Variants in FNDC3B observed in about 807,000 individuals in gnomAD.
FNDC3B encodes the protein fibronectin type III domain-containing protein 3B.
Under a neutral mutation model 151.5 loss-of-function variants are expected in FNDC3B, and 12 were observed. The ratio of observed to expected loss-of-function variants is 0.08; its 90% CI spans 0.05 to 0.13. The LOEUF is 0.13. FNDC3B is among the 10% of genes least tolerant of loss of function. The pLI is 1.00. For synonymous variants in FNDC3B, 528 were observed against 549.0 expected (o/e 0.96, Z 0.54); for missense variants, 1,214 against 1,505.3 (o/e 0.81, Z 3.20).
chr3:172,393,977 G>A (rs941962763), intron 25 of FNDC3B, among the ~76,000 whole-genome samples: 2 of 151,214 alleles, frequency 1.3e-5, no homozygotes, highest in African/African-American at 4.9e-5. Context: ...GTGTGGTGAC[G>A]GGTGCCTGTA....
intron 3 of FNDC3B, among the ~76,000 whole-genome samples, chr3:172,219,911 AG>A (rs1726182680): frequency 6.6e-6 from 1 of 152,224 alleles, no homozygotes; most frequent in African/African-American, 2.4e-5. Context: ...ACACATGTAC[AG>A]GCTGCTGTGA....
intron 1 of FNDC3B, among the ~76,000 whole-genome samples, chr3:172,089,335 A>G (rs1436268931): frequency 6.6e-6 from 1 of 152,198 alleles, no homozygotes; most frequent in Non-Finnish European, 1.5e-5. Context: ...ATTTTACCAT[A>G]GGATTTTCTT....
chr3:172,143,736 T>G (rs1363113374), intron 3 of FNDC3B, among the ~76,000 whole-genome samples: 1 of 151,746 alleles, frequency 6.6e-6, no homozygotes, highest in Non-Finnish European at 1.5e-5. Flanking sequence ...TGGTGAAACC[T>G]TGTCTCAACT....
chr3:172,352,560 T>C lies in FNDC3B; in HGVS notation c.2515-243T>C, dbSNP rs2108324878. 6.6e-6 allele frequency among the ~76,000 whole-genome samples: 1 copy of C among 152,340 alleles called. No homozygotes were observed. On this transcript the variant is annotated intron_variant, in intron 21 of 25. Coordinates refer to ENST00000415807, the MANE Select transcript of FNDC3B (RefSeq NM_022763.4). This position sits in a 1 kb window ranked among gnomAD's most constrained non-coding sequence, Gnocchi z 4.2. ...AAATAGGTCATGCAAATATAAAATA[T>C]TATTTTTAAATTATTTGTCATAAGA...
intron 4 of FNDC3B, among the ~76,000 whole-genome samples, chr3:172,233,576 A>G (rs4605578): frequency 0.26 from 38,797 of 151,960 alleles, 5,059 homozygotes; most frequent in East Asian, 0.44. Context: ...GCTGTGCAAT[A>G]CTTTCCCCCC....
At chr3:172,123,910 C>A (rs1296688659) in intron 2 of FNDC3B, among the ~76,000 whole-genome samples, 2 of 152,092 alleles carry the variant, frequency 1.3e-5, no homozygotes, top group African/African-American at 4.8e-5. Flanking sequence ...TAATATCTGT[C>A]TGTTTTCAGG....
At chr3:172,244,892 C>T (rs1039097410) in intron 4 of FNDC3B, among the ~76,000 whole-genome samples, 26 of 152,236 alleles carry the variant, frequency 1.7e-4, no homozygotes, top group African/African-American at 5.3e-4. Flanking sequence ...TCCCAAAGTA[C>T]TGGGATTACA....
intron 1 of FNDC3B, among the ~76,000 whole-genome samples, chr3:172,065,072 G>A (rs183617099): frequency 6.6e-5 from 10 of 152,176 alleles, no homozygotes; most frequent in African/African-American, 1.2e-4. Flanking sequence ...GGTGGCTCAC[G>A]CCTGTAATCC....
At chr3:172,211,994 G>A (rs114832005) in intron 3 of FNDC3B, among the ~76,000 whole-genome samples, 2 of 152,030 alleles carry the variant, frequency 1.3e-5, no homozygotes, top group Admixed American at 6.6e-5. Context: ...CATATTAAAC[G>A]ATCACCAGGG....
intron 21 of FNDC3B, among the ~76,000 whole-genome samples, chr3:172,349,531 T>C (rs910781426): frequency 2.0e-5 from 3 of 152,190 alleles, no homozygotes; most frequent in African/African-American, 7.2e-5. Flanking sequence ...ATGTTTTCCA[T>C]AGAGCCAAGC....
chr3:172,108,134 C>T (rs1719753135), intron 1 of FNDC3B, among the ~76,000 whole-genome samples: 1 of 151,552 alleles, frequency 6.6e-6, no homozygotes, highest in East Asian at 1.9e-4. Flanking sequence ...CGCCACTGCA[C>T]TCCATCCTGG....
At chr3:172,053,507 C>T (rs1276131354) in intron 1 of FNDC3B, among the ~76,000 whole-genome samples, 1 of 152,200 alleles carries the variant, frequency 6.6e-6, no homozygotes, top group Non-Finnish European at 1.5e-5. Flanking sequence ...CACAGTGGCT[C>T]ACGCCTGTAA....
chr3:172,109,546 C>T (rs62283817), intron 1 of FNDC3B, among the ~76,000 whole-genome samples: 1 of 152,226 alleles, frequency 6.6e-6, no homozygotes, highest in Non-Finnish European at 1.5e-5. Context: ...CTGCTGGGCT[C>T]ACAGTGGCCT....
intron 3 of FNDC3B, among the ~76,000 whole-genome samples, chr3:172,137,101 G>A (rs1721410103): frequency 6.6e-6 from 1 of 152,082 alleles, no homozygotes; most frequent in Admixed American, 6.5e-5. Flanking sequence ...GAAACTGTCA[G>A]CCTAATAACT....
intron 1 of FNDC3B, among the ~76,000 whole-genome samples, chr3:172,075,495 A>G (rs967953549): frequency 1.1e-4 from 16 of 152,218 alleles, no homozygotes; most frequent in East Asian, 1.9e-4. Context: ...AACAACAACA[A>G]AAATGGGAAT....
chr3:172,119,876 A>G (rs992078262), intron 2 of FNDC3B, among the ~76,000 whole-genome samples: 19 of 152,058 alleles, frequency 1.2e-4, no homozygotes, highest in African/African-American at 4.3e-4. Context: ...AACCAGATCC[A>G]CTTTTCCAGC....
At chr3:172,263,433 C>G (rs368610223) in intron 6 of FNDC3B, among the ~76,000 whole-genome samples, 223 of 152,132 alleles carry the variant, frequency 1.5e-3, no homozygotes, top group Middle Eastern at 6.8e-3. Context: ...TTAAAAAATT[C>G]ATATTTAGTC....
At chr3:172,332,975 T>C in intron 13 of FNDC3B, 114 bp from the exon 14 acceptor site, 1 of 770,506 alleles carries the variant, frequency 1.3e-6, no homozygotes, top group Non-Finnish European at 2.3e-6. Flanking sequence ...CTGCCAGACC[T>C]CTGGCCAGTT....
rs1730761313 is a variant in FNDC3B at position 172,298,758 on chromosome 3, T to C, written c.1032T>C (p.Asp344=). The part of the protein sequence containing the change: ...SGEELECNLK[D]LRPATDYHVR... ...AAGAATTAGAATGTAACCTGAAAGA[T>C]CTTAGACCAGCAACAGATTATCATG... The change falls in exon 9 of 26, where the codon GAT becomes GAC. Residue 344 remains aspartate (D), a synonymous_variant. Transcript: ENST00000415807. The C allele has an allele frequency of 1.2e-6, 2 of 1,609,052 alleles. No individual in the cohort carries two copies. The highest frequency in any genetic ancestry group is 1.1e-5 in the South Asian group (1 of 90,060).
Sources: allele counts gnomAD v4.1 joint callset (sites outside exome capture counted in the v4.1 genomes callset), GRCh38; gene constraint gnomAD v4.1.1; non-coding constraint Gnocchi (gnomAD v3.1); transcripts MANE v1.5; gene names NCBI Gene and HGNC (gene_info 2026-07-23, HGNC 2026-07-21).